HOXB3: variants seen among roughly 807,000 people sequenced by gnomAD.
The protein encoded by HOXB3 is homeobox B3, also known as homeobox protein Hox-B3.
Under a neutral mutation model 29.2 loss-of-function variants are expected in HOXB3, and 17 were observed. That is an observed-to-expected ratio of 0.58 (90% CI 0.40 to 0.87). The LOEUF (loss-of-function observed/expected upper bound fraction) is 0.87. HOXB3 is among the 40% of genes least tolerant of loss of function. The pLI is 0.00. For missense variants in HOXB3, 637 were observed against 616.3 expected, an observed-to-expected ratio of 1.03 and a Z score of -0.35; for synonymous variants, 317 against 285.9, an observed-to-expected ratio of 1.11 and a Z score of -1.10.
Position 48,550,748 on chromosome 17 carries a change from G to A in HOXB3, c.882C>T (p.Phe294=), listed in dbSNP as rs886858600. ...CGTAGGCATTCTGGTGGGCTTTACC[G>A]AAGGCGGGTGGGGACGGGCTCTCGT... ...PSYESPSPPA[F]GKAHQNAYAL... The change falls in exon 5 of 5, where the codon TTC becomes TTT. Residue 294 remains phenylalanine, a synonymous_variant. Transcript: ENST00000498678. The A allele has an allele frequency of 1.1e-5, 17 of 1,589,874 alleles. No homozygotes were observed. The highest frequency in any genetic ancestry group is 3.4e-5 in the South Asian group (3 of 88,110).
chr17:48,583,773 C>T (rs1027873716), intron 1 of HOXB3, among the ~76,000 whole-genome samples: 13 of 152,226 alleles, frequency 8.5e-5, no homozygotes, highest in African/African-American at 2.9e-4. Context: ...CTCTTCAGGA[C>T]TCCAGGAATT....
At chr17:48,586,375 C>T (rs558652970) in intron 1 of HOXB3, among the ~76,000 whole-genome samples, 13 of 152,156 alleles carry the variant, frequency 8.5e-5, no homozygotes, top group Non-Finnish European at 1.9e-4. Context: ...AGTAAATTCG[C>T]CAAAAGAAAG....
In HOXB3 at chr17:48,554,986, A is replaced by T; in HGVS notation, c.-159+545T>A. ...CATGTTGGAAAAATTCAGGTTCCATATGGCTCCTCGGGAGGGAGGGAGGGA... is the reference window on the plus strand; with the variant it reads ...CATGTTGGAAAAATTCAGGTTCCATTTGGCTCCTCGGGAGGGAGGGAGGGA... On this transcript the variant is annotated intron_variant, in intron 3 of 4. Transcript: ENST00000498678. The surrounding 1 kb of genome is among the most constrained non-coding windows in gnomAD (Gnocchi z 4.1). 12 of 451,810 alleles carry T rather than the reference A, an allele frequency of 2.7e-5. No homozygotes were observed. The highest frequency in any genetic ancestry group is 4.1e-5 in the Non-Finnish European group (10 of 241,434). 28.0% of individuals were successfully genotyped at this position (451,810 alleles called of 1,614,324 possible).
intron 2 of HOXB3, among the ~76,000 whole-genome samples, chr17:48,563,986 C>T (rs1310194208): frequency 1.3e-5 from 2 of 152,140 alleles, no homozygotes; most frequent in Non-Finnish European, 2.9e-5. Context: ...AAGATCATGT[C>T]CACACGCCCA....
At chr17:48,583,464 C>G (rs920886089) in intron 1 of HOXB3, among the ~76,000 whole-genome samples, 17 of 152,190 alleles carry the variant, frequency 1.1e-4, no homozygotes, top group African/African-American at 4.1e-4. Context: ...CTCCCTTTCT[C>G]CAGCTTCCTA....
At chr17:48,579,913 G>T (rs985848773) in intron 1 of HOXB3, 1 of 518,086 alleles carries the variant, frequency 1.9e-6, no homozygotes, top group East Asian at 5.8e-5. Context: ...ACACAAATTC[G>T]GATCTACAGG....
chr17:48,576,875 G>A (rs2069782004), intron 1 of HOXB3: 1 of 1,614,124 alleles, frequency 6.2e-7, no homozygotes, highest in Non-Finnish European at 8.5e-7. Flanking sequence ...GGCGCTCGGA[G>A]AGGCAGAGCG....
intron 2 of HOXB3, among the ~76,000 whole-genome samples, chr17:48,566,782 C>T (rs770234329): frequency 5.9e-5 from 9 of 152,094 alleles, no homozygotes; most frequent in Non-Finnish European, 1.3e-4. Context: ...AAGACTTTGC[C>T]CTAACTCTGG....
At chr17:48,562,348 C>A (rs1290646626) in intron 2 of HOXB3, among the ~76,000 whole-genome samples, 1 of 152,050 alleles carries the variant, frequency 6.6e-6, no homozygotes, top group Non-Finnish European at 1.5e-5. Flanking sequence ...GACAAGCATT[C>A]CCCCAGATGG....
chr17:48,563,835 C>T (rs2039784562), intron 2 of HOXB3, among the ~76,000 whole-genome samples: 1 of 152,124 alleles, frequency 6.6e-6, no homozygotes. Context: ...GGAAGCTGAC[C>T]CAGCGGTCGC....
At position 48,555,512 on chromosome 17, in the gene HOXB3, C is replaced by T; in HGVS notation, c.-159+19G>A. ...TCTCCGCCATTCACAAACTGATAGC[C>T]TATTTCAGTCCAGCTTACCTTAGCC... On this transcript the variant is annotated intron_variant, in intron 3 of 4. Transcript: ENST00000498678. The T allele has an allele frequency of 1.4e-6, 1 of 702,710 alleles. No homozygotes were observed. The highest frequency in any genetic ancestry group is 2.6e-6 in the Non-Finnish European group (1 of 384,814). 43.5% of individuals were successfully genotyped at this position (702,710 alleles called of 1,614,324 possible).
At position 48,550,694 on chromosome 17, in the gene HOXB3, G is replaced by C. The variant is rs901977659; in HGVS notation, c.936C>G (p.Leu312=). Residue 312 remains leucine (L), a synonymous_variant, in exon 5 of 5, where the codon CTC becomes CTG. Coordinates refer to ENST00000498678, the MANE Select transcript of HOXB3 (RefSeq NM_001384749.1). ...YALPSNYQPP[L]KGCGAPQKYP... ...ACTTCTGCGGGGCGCCGCAGCCTTT[G>C]AGAGGGGGCTGGTAGTTGGAGGGCA... 1 of 1,538,282 alleles carries C rather than the reference G, an allele frequency of 6.5e-7. No individual in the cohort carries two copies. Among genetic ancestry groups the C allele is most frequent in the African/African-American group, 1.4e-5 (1 of 72,544 alleles).
intron 4 of HOXB3, 46 bp from the exon 5 acceptor site, chr17:48,551,227 A>T: frequency 7.9e-7 from 1 of 1,272,564 alleles, no homozygotes; most frequent in Non-Finnish European, 9.9e-7. Flanking sequence ...ATGAAATAAA[A>T]GATAATTACT....
At chr17:48,555,899 G>A (rs1019320210) in intron 2 of HOXB3, among the ~76,000 whole-genome samples, 5 of 152,170 alleles carry the variant, frequency 3.3e-5, no homozygotes, top group African/African-American at 1.2e-4. Context: ...CCACAGTGTG[G>A]TTGCCCTATA....
At position 48,553,958 on chromosome 17, in the gene HOXB3, AG is replaced by A. The variant is rs1425875956; in HGVS notation, c.-158-1327del. 2.6e-5 allele frequency: 4 copies of A among 152,278 alleles called. No homozygotes were observed. In the East Asian group the frequency reaches 5.8e-4, roughly 22 times the overall value. 9.4% of individuals were successfully genotyped at this position (152,278 alleles called of 1,614,324 possible). On this transcript the variant is annotated intron_variant, in intron 3 of 4. Coordinates refer to ENST00000498678, the MANE Select transcript of HOXB3 (RefSeq NM_001384749.1). Reference sequence around the variant, plus strand: ...AAACATAGGAAAATAAAATAAAAGGAGTGCAGGTGAAGAAAAGTCCCTCCCT... The same window carrying A: ...AAACATAGGAAAATAAAATAAAAGGATGCAGGTGAAGAAAAGTCCCTCCCT...
At position 48,550,614 on chromosome 17, in the gene HOXB3, C is replaced by T; in HGVS notation, c.1016G>A (p.Gly339Asp). The T allele has an allele frequency of 6.6e-7, 1 of 1,520,488 alleles. No homozygotes were observed. The allele number at this position is 1,520,488 out of a possible 1,614,324, so 94.2% of individuals were successfully genotyped here. A position where few individuals can be genotyped will look rare whatever the true frequency, so the allele number is the denominator to read the frequency against. Residue 339 changes from glycine (G) to aspartate (D), a missense_variant, in exon 5 of 5, where the codon GGC (glycine) becomes GAC (aspartate). Gly to Asp is a moderately conservative substitution (Grantham distance 94, BLOSUM62 -1). Coordinates refer to ENST00000498678, the MANE Select transcript of HOXB3 (RefSeq NM_001384749.1). ...YEPHVLQANG[G>D]AYGTPTMQGS... The stretch of plus-strand genomic sequence containing the variant: ...CTGCATGGTGGGCGTCCCGTAGGCG[C>T]CCCCGTTGGCTTGGAGGACGTGCGG...
At chr17:48,570,022 C>T (rs118078868) in intron 2 of HOXB3, among the ~76,000 whole-genome samples, 1 of 152,198 alleles carries the variant, frequency 6.6e-6, no homozygotes, top group Non-Finnish European at 1.5e-5. Flanking sequence ...CATTTCCCCC[C>T]CTTCCCAAAC....
At chr17:48,572,715 T>G (rs2069625005) in intron 2 of HOXB3, among the ~76,000 whole-genome samples, 1 of 152,064 alleles carries the variant, frequency 6.6e-6, no homozygotes, top group Non-Finnish European at 1.5e-5. Context: ...TTTCCCCCAG[T>G]GGGCAGTAAT....
At chr17:48,564,265 G>C (rs1184870098) in intron 2 of HOXB3, among the ~76,000 whole-genome samples, 1 of 151,650 alleles carries the variant, frequency 6.6e-6, no homozygotes, top group Non-Finnish European at 1.5e-5. Context: ...CGGGCGCTGG[G>C]TGCGCGCGGG....
Sources: allele counts gnomAD v4.1 joint callset (sites outside exome capture counted in the v4.1 genomes callset), GRCh38; gene constraint gnomAD v4.1.1; non-coding constraint Gnocchi (gnomAD v3.1); transcripts MANE v1.5; gene names NCBI Gene and HGNC (gene_info 2026-07-23, HGNC 2026-07-21).